Variants in FCHSD2 observed in about 807,000 individuals in gnomAD.
The protein encoded by FCHSD2 is F-BAR and double SH3 domains protein 2.
In FCHSD2, 38 loss-of-function variants were observed where a neutral mutation model predicts 108.1. The ratio of observed to expected loss-of-function variants is 0.35; its 90% CI spans 0.27 to 0.46. The LOEUF is 0.46. FCHSD2 is among the 20% of genes least tolerant of loss of function. The probability of loss-of-function intolerance (pLI) is 1.00; values close to 1 mark genes in which losing one functional copy is unlikely to be tolerated. For synonymous variants in FCHSD2, 279 were observed against 314.7 expected (o/e 0.89, Z 1.20); for missense variants, 751 against 897.8 (o/e 0.84, Z 2.09).
At chr11:73,136,946 T>G (rs1483388931) in intron 2 of FCHSD2, among the ~76,000 whole-genome samples, 2 of 152,088 alleles carry the variant, frequency 1.3e-5, no homozygotes, top group African/African-American at 2.4e-5. Flanking sequence ...GTGAACTGCT[T>G]GTACCCAGGA....
rs763166449 is a variant in FCHSD2, at chr11:72,842,847, G to C, written c.1706-6C>G. On this transcript the variant is annotated splice_polypyrimidine_tract_variant and splice_region_variant and intron_variant, in intron 16 of 19. Coordinates refer to ENST00000409418, the MANE Select transcript of FCHSD2 (RefSeq NM_014824.3). ...AAGTGCTTTCACAAAACATACTAGG[G>C]AGCAAGAGAAAAACAAATCTGGTAA... 17 of 1,610,008 alleles carry C rather than the reference G, an allele frequency of 1.1e-5. No individual in the cohort carries two copies. Among genetic ancestry groups the C allele is most frequent in the Non-Finnish European group, 1.4e-5 (17 of 1,177,192 alleles).
intron 3 of FCHSD2, among the ~76,000 whole-genome samples, chr11:73,017,163 T>G (rs998567442): frequency 3.9e-5 from 6 of 152,082 alleles, no homozygotes; most frequent in Admixed American, 3.3e-4. Context: ...TTTGTATTTT[T>G]AGTAGACACA....
chr11:73,096,164 A>C (rs1337221663), intron 2 of FCHSD2, among the ~76,000 whole-genome samples: 1 of 152,060 alleles, frequency 6.6e-6, no homozygotes, highest in African/African-American at 2.4e-5. Flanking sequence ...GCAGAAGGAC[A>C]CCCATGAGCA....
intron 2 of FCHSD2, among the ~76,000 whole-genome samples, chr11:73,095,462 C>CT (rs1428885621): frequency 1.3e-5 from 2 of 152,122 alleles, no homozygotes; most frequent in Admixed American, 1.3e-4. Flanking sequence ...AAGTCAGACT[C>CT]TCCCCTCTCC....
At chr11:73,000,500 C>T (rs1190447278) in intron 5 of FCHSD2, among the ~76,000 whole-genome samples, 1 of 151,996 alleles carries the variant, frequency 6.6e-6, no homozygotes, top group Non-Finnish European at 1.5e-5. Context: ...TCATGTGTAA[C>T]CCATATAATT....
chr11:73,116,048 T>C (rs1860593989), intron 2 of FCHSD2, among the ~76,000 whole-genome samples: 1 of 152,224 alleles, frequency 6.6e-6, no homozygotes. Context: ...CTAAATATGA[T>C]GACTGCAGAT....
intron 3 of FCHSD2, among the ~76,000 whole-genome samples, chr11:73,033,063 C>T (rs188552561): frequency 3.0e-4 from 45 of 151,962 alleles, no homozygotes; most frequent in Admixed American, 1.3e-3. Context: ...CTGAGGCATG[C>T]GGATCATGAG....
At chr11:72,894,690 C>T (rs974418295) in intron 10 of FCHSD2, among the ~76,000 whole-genome samples, 18 of 152,120 alleles carry the variant, frequency 1.2e-4, no homozygotes, top group Non-Finnish European at 2.1e-4. Flanking sequence ...GGTTCACAAT[C>T]CCACAATTCT....
intron 10 of FCHSD2, 123 bp downstream of exon 10, chr11:72,902,420 G>T: frequency 1.8e-6 from 1 of 560,456 alleles, no homozygotes; most frequent in Non-Finnish European, 3.1e-6. Context: ...TGTCCTCACA[G>T]TTTTGTTATA....
intron 9 of FCHSD2, among the ~76,000 whole-genome samples, chr11:72,916,861 A>C (rs1050438807): frequency 3.3e-5 from 5 of 152,168 alleles, no homozygotes; most frequent in African/African-American, 1.2e-4. Flanking sequence ...GCACTGCCAA[A>C]TCAAGGTCAT....
intron 14 of FCHSD2, among the ~76,000 whole-genome samples, chr11:72,845,614 G>T (rs1050258950): frequency 6.6e-6 from 1 of 152,104 alleles, no homozygotes; most frequent in African/African-American, 2.4e-5. Context: ...TTCTTTGCAT[G>T]GCTATCAAGA....
intron 8 of FCHSD2, among the ~76,000 whole-genome samples, chr11:72,932,068 C>T (rs1856204587): frequency 6.6e-6 from 1 of 152,208 alleles, no homozygotes; most frequent in African/African-American, 2.4e-5. Flanking sequence ...GTGTGTGATG[C>T]CACTATTCAC....
At chr11:72,948,583 CAAT>C (rs1474534977) in intron 8 of FCHSD2, among the ~76,000 whole-genome samples, 1 of 151,950 alleles carries the variant, frequency 6.6e-6, no homozygotes, top group African/African-American at 2.4e-5. Context: ...TTTACATTAT[CAAT>C]AATAGAATAT....
intron 8 of FCHSD2, among the ~76,000 whole-genome samples, chr11:72,972,445 G>A (rs1221848403): frequency 6.6e-6 from 1 of 152,160 alleles, no homozygotes; most frequent in Non-Finnish European, 1.5e-5. Context: ...GGAACCATGG[G>A]AAAGTAGAGG....
At chr11:72,846,094 A>AGATAGATAGAT (rs10657358) in intron 14 of FCHSD2, among the ~76,000 whole-genome samples, 70 of 50,306 alleles carry the variant, frequency 1.4e-3, no homozygotes, top group East Asian at 2.1e-3. Context: ...ATAGATAGAT[A>AGATAGATAGAT]AGTAGTTACG....
intron 8 of FCHSD2, among the ~76,000 whole-genome samples, chr11:72,934,271 G>C (rs1476800840): frequency 6.6e-6 from 1 of 150,750 alleles, no homozygotes; most frequent in Admixed American, 6.6e-5. Context: ...CTTTACACTT[G>C]TTTAAGTGAA....
intron 3 of FCHSD2, among the ~76,000 whole-genome samples, chr11:73,074,933 G>A (rs1011692397): frequency 6.6e-6 from 1 of 152,056 alleles, no homozygotes; most frequent in Non-Finnish European, 1.5e-5. Flanking sequence ...GACAGACAGT[G>A]GGGAGGGAGG....
chr11:73,111,060 T>C (rs1170502689), intron 2 of FCHSD2, among the ~76,000 whole-genome samples: 1 of 152,190 alleles, frequency 6.6e-6, no homozygotes, highest in East Asian at 1.9e-4. Context: ...AGGGGTTTTT[T>C]TTAATGTTTT....
At chr11:72,984,934 C>A in intron 7 of FCHSD2, 128 bp downstream of exon 7, 1 of 525,306 alleles carries the variant, frequency 1.9e-6, no homozygotes, top group South Asian at 1.9e-5. Flanking sequence ...AAAGTTCCTC[C>A]CTGAGTCAGT....
Sources: gnomAD v4.1 joint callset for allele counts (sites outside exome capture counted in the v4.1 genomes callset) on GRCh38, gnomAD v4.1.1 for gene constraint, MANE v1.5 for transcripts, NCBI Gene and HGNC (gene_info 2026-07-23, HGNC 2026-07-21) for gene names.